The following RCOR1 variants were observed in gnomAD, a reference collection of about 807,000 sequenced individuals.
RCOR1 encodes REST corepressor.
RCOR1 carries 12 observed loss-of-function variants against 64.0 expected under a neutral mutation model. The ratio of observed to expected loss-of-function variants is 0.19; its 90% CI spans 0.12 to 0.30. The LOEUF is 0.30. Among genes scored for constraint, RCOR1 ranks in the 10% least tolerant of loss-of-function variants. The pLI, the probability that RCOR1 is intolerant of heterozygous loss-of-function variation, is 1.00. For missense variants in RCOR1, 502 were observed against 621.2 expected (o/e 0.81, Z 2.04); for synonymous variants, 279 against 227.2 (o/e 1.23, Z -2.05).
intron 2 of RCOR1, among the ~76,000 whole-genome samples, chr14:102,607,884 G>C (rs1469851780): frequency 6.6e-6 from 1 of 151,660 alleles, no homozygotes; most frequent in Non-Finnish European, 1.5e-5. Context: ...TCTGTCTCAA[G>C]AAAAACCACA....
intron 2 of RCOR1, among the ~76,000 whole-genome samples, chr14:102,637,202 C>T (rs1362684343): frequency 6.6e-6 from 1 of 150,520 alleles, no homozygotes; most frequent in Non-Finnish European, 1.5e-5. Context: ...TCTCGGCTCA[C>T]GGCAACCTCC....
At chr14:102,676,919 T>C (rs376596002) in intron 2 of RCOR1, among the ~76,000 whole-genome samples, 11 of 61,556 alleles carry the variant, frequency 1.8e-4, no homozygotes, top group South Asian at 7.1e-4. Context: ...CCCCCCCACC[T>C]CCCTCCCGGA....
intron 3 of RCOR1, among the ~76,000 whole-genome samples, chr14:102,694,343 G>A (rs1004903568): frequency 2.0e-5 from 3 of 152,114 alleles, no homozygotes; most frequent in Admixed American, 6.5e-5. Context: ...TGCAACCTCC[G>A]CCTCCTGGGT....
At chr14:102,628,893 CTTTT>C (rs569423625) in intron 2 of RCOR1, among the ~76,000 whole-genome samples, 1 of 139,222 alleles carries the variant, frequency 7.2e-6, no homozygotes. Context: ...CCAACTTGCT[CTTTT>C]TTTTTTTTTT....
Position 102,609,374 on chromosome 14 carries a change from G to C in RCOR1, c.361+16049G>C, listed in dbSNP as rs530817006. ...TAACTTTTTGAGGAACCATTAAATT[G>C]TTTTTCACAGTAGCTTAACCATTTT... On this transcript the variant is annotated intron_variant, in intron 2 of 11. Transcript: ENST00000262241. Among the ~76,000 whole-genome samples, 23 of 151,968 alleles carry C rather than the reference G, an allele frequency of 1.5e-4. No individual in the cohort carries two copies. The South Asian group carries it at 4.4e-3, about 29-fold the overall frequency.
intron 9 of RCOR1, 101 bp from the exon 10 acceptor site, chr14:102,721,219 T>C (rs1456710576): frequency 1.7e-6 from 2 of 1,176,310 alleles, no homozygotes; most frequent in East Asian, 2.4e-5. Context: ...ACCCAGTTGA[T>C]GTTAAAATTC....
At chr14:102,656,099 C>A (rs914602525) in intron 2 of RCOR1, 11 of 984,544 alleles carry the variant, frequency 1.1e-5, no homozygotes, top group Non-Finnish European at 1.3e-5. Flanking sequence ...GAAACAGATT[C>A]TTTTCATTCT....
chr14:102,700,123 G>A (rs896343278), intron 3 of RCOR1, among the ~76,000 whole-genome samples: 3 of 152,064 alleles, frequency 2.0e-5, no homozygotes, highest in South Asian at 2.1e-4. Context: ...TAAAAATGAC[G>A]CCCAATTTCA....
intron 2 of RCOR1, among the ~76,000 whole-genome samples, chr14:102,639,387 T>C (rs1012973692): frequency 1.3e-5 from 2 of 150,814 alleles, no homozygotes; most frequent in Non-Finnish European, 3.0e-5. Flanking sequence ...ACCTCAGCCT[T>C]CTCCTCCCCT....
intron 2 of RCOR1, among the ~76,000 whole-genome samples, chr14:102,647,094 C>G (rs1365033762): frequency 6.6e-6 from 1 of 152,132 alleles, no homozygotes; most frequent in African/African-American, 2.4e-5. Flanking sequence ...TCACAAATCT[C>G]CACATTGAGC....
At chr14:102,634,475 C>CT (rs1005543638) in intron 2 of RCOR1, among the ~76,000 whole-genome samples, 1 of 152,068 alleles carries the variant, frequency 6.6e-6, no homozygotes, top group Non-Finnish European at 1.5e-5. Context: ...GAACAAGTCA[C>CT]TTGTCAGATG....
At chr14:102,605,016 C>G (rs987467677) in intron 2 of RCOR1, among the ~76,000 whole-genome samples, 1 of 146,844 alleles carries the variant, frequency 6.8e-6, no homozygotes, top group Non-Finnish European at 1.5e-5. Flanking sequence ...TACAGTGAGC[C>G]GAGATCGTGC....
At chr14:102,593,233 C>G (rs765324807) in intron 1 of RCOR1, 33 bp from the exon 2 acceptor site, 69 of 1,487,918 alleles carry the variant, frequency 4.6e-5, no homozygotes, top group Non-Finnish European at 5.3e-5. Flanking sequence ...CGCCCCGCGC[C>G]GCGCTGACCG....
intron 2 of RCOR1, among the ~76,000 whole-genome samples, chr14:102,609,211 A>G (rs1462974691): frequency 6.6e-6 from 1 of 150,796 alleles, no homozygotes; most frequent in East Asian, 2.0e-4. Context: ...ACACCTGGCT[A>G]ATTTTTGTAT....
At chr14:102,662,688 C>T (rs551896130) in intron 2 of RCOR1, 40 of 440,914 alleles carry the variant, frequency 9.1e-5, no homozygotes, top group South Asian at 7.2e-4. Context: ...CAGGAGCTTC[C>T]TTCTTTGCTT....
chr14:102,605,022 C>T (rs908670637), intron 2 of RCOR1, among the ~76,000 whole-genome samples: 2 of 137,026 alleles, frequency 1.5e-5, no homozygotes, highest in East Asian at 2.2e-4. Context: ...GAGCCGAGAT[C>T]GTGCCACTGC....
At chr14:102,726,437 CTTTTTT>C in intron 11 of RCOR1, 25 bp from the exon 12 acceptor site, 6 of 1,412,220 alleles carry the variant, frequency 4.2e-6, no homozygotes, top group African/African-American at 1.5e-5. Flanking sequence ...CTCTTTGATC[CTTTTTT>C]TTTTTTTTTT....
intron 2 of RCOR1, among the ~76,000 whole-genome samples, chr14:102,654,139 C>T (rs1894672346): frequency 6.6e-6 from 1 of 151,514 alleles, no homozygotes; most frequent in Admixed American, 6.6e-5. Context: ...GTGCCTGCCA[C>T]CACGCCTGGC....
At chr14:102,708,411 A>T (rs1567442900) in intron 5 of RCOR1, 54 bp from the exon 6 acceptor site, 3 of 1,093,962 alleles carry the variant, frequency 2.7e-6, no homozygotes, top group Non-Finnish European at 2.8e-6. Flanking sequence ...TAAACATTTG[A>T]TTTTTAAAGA....
Sources: allele counts gnomAD v4.1 joint callset (sites outside exome capture counted in the v4.1 genomes callset), GRCh38; gene constraint gnomAD v4.1.1; transcripts MANE v1.5; gene names NCBI Gene and HGNC (gene_info 2026-07-23, HGNC 2026-07-21).